CACNA1H: variants seen among roughly 807,000 people sequenced by gnomAD.
CACNA1H encodes the protein voltage-dependent T-type calcium channel subunit alpha-1H.
CACNA1H carries 149 observed loss-of-function variants against 192.5 expected under a neutral mutation model. The ratio of observed to expected loss-of-function variants is 0.77; its 90% CI spans 0.68 to 0.89. CACNA1H has a LOEUF of 0.89. CACNA1H is among the 40% of genes least tolerant of loss of function. CACNA1H has a pLI of 0.00. For synonymous variants in CACNA1H, 2,202 were observed against 1,475.2 expected, an observed-to-expected ratio of 1.49 and a Z score of -11.29; for missense variants, 4,257 against 3,423.5, an observed-to-expected ratio of 1.24 and a Z score of -6.08.
intron 2 of CACNA1H, among the ~76,000 whole-genome samples, chr16:1,154,318 G>C (rs1437211315): frequency 6.6e-6 from 1 of 152,192 alleles, no homozygotes; most frequent in African/African-American, 2.4e-5. Context: ...CGGGCTTGGA[G>C]GGGAGAGGAG....
At chr16:1,160,978 G>A (rs1963126376) in intron 2 of CACNA1H, among the ~76,000 whole-genome samples, 1 of 152,166 alleles carries the variant, frequency 6.6e-6, no homozygotes, top group East Asian at 1.9e-4. Context: ...CAAGTTGAGA[G>A]CAGGGCTGGC....
intron 2 of CACNA1H, among the ~76,000 whole-genome samples, chr16:1,178,160 C>T (rs1469459240): frequency 7.8e-6 from 1 of 127,796 alleles, no homozygotes; most frequent in Non-Finnish European, 1.7e-5. Context: ...GAAACCGCCC[C>T]CCCATGGACT....
chr16:1,221,687 G>A lies in CACNA1H; in HGVS notation c.*693G>A. 1 of 1,189,260 alleles carries A rather than the reference G, an allele frequency of 8.4e-7. No individual in the cohort carries two copies. Among genetic ancestry groups the A allele is most frequent in the Non-Finnish European group, 1.2e-6 (1 of 861,294 alleles). 73.7% of individuals were successfully genotyped at this position (1,189,260 alleles called of 1,614,324 possible). ...TGCTTTTAAATTCAGGTTAAATGTTGCAATAATCTGATGCAGAAGACTCAG... is the reference window on the plus strand; with the variant it reads ...TGCTTTTAAATTCAGGTTAAATGTTACAATAATCTGATGCAGAAGACTCAG... On this transcript the variant is annotated 3_prime_UTR_variant, in exon 35 of 35. Coordinates refer to ENST00000348261, the MANE Select transcript of CACNA1H (RefSeq NM_021098.3).
At chr16:1,178,468 G>A (rs753520284) in intron 2 of CACNA1H, among the ~76,000 whole-genome samples, 13 of 151,900 alleles carry the variant, frequency 8.6e-5, no homozygotes, top group South Asian at 4.2e-4. Flanking sequence ...GGGCCCTTTC[G>A]AAGGGGGTTA....
rs1441352476 is a variant in CACNA1H at position 1,153,164 on chromosome 16, G to A, written c.-325G>A. On this transcript the variant is annotated 5_prime_UTR_variant, in exon 1 of 35. Coordinates refer to ENST00000348261, the MANE Select transcript of CACNA1H (RefSeq NM_021098.3). ...CTCGAGGCTCGCTCGCTGCCTCACC[G>A]GTCCCCGGCCCGCGCCCCGCGCCCC... is the stretch of plus-strand genomic sequence containing the variant. 7.0e-6 allele frequency: 1 copy of A among 142,982 alleles called. No homozygotes were observed. The allele number at this position is 142,982 out of a possible 1,614,324, so 8.9% of individuals were successfully genotyped here.
intron 2 of CACNA1H, among the ~76,000 whole-genome samples, chr16:1,166,648 C>T (rs192812829): frequency 1.3e-5 from 2 of 152,070 alleles, no homozygotes; most frequent in African/African-American, 2.4e-5. Flanking sequence ...TTTCCGTCTC[C>T]GAGGTTGGCC....
At chr16:1,202,500 G>C in intron 9 of CACNA1H, 48 bp downstream of exon 9, 1 of 1,423,582 alleles carries the variant, frequency 7.0e-7, no homozygotes, top group Non-Finnish European at 9.2e-7. Flanking sequence ...GACCTAGGCA[G>C]GGCGGGCAGG....
intron 30 of CACNA1H, among the ~76,000 whole-genome samples, chr16:1,215,942 T>A (rs1969989090): frequency 6.6e-6 from 1 of 151,912 alleles, no homozygotes; most frequent in Non-Finnish European, 1.5e-5. Flanking sequence ...GATGCAGGCG[T>A]CGGCTGCGGG....
intron 27 of CACNA1H, 114 bp downstream of exon 27, chr16:1,214,045 C>A (rs527717444): frequency 2.2e-6 from 2 of 894,766 alleles, no homozygotes; most frequent in Non-Finnish European, 3.5e-6. Context: ...CTGGGGTTTG[C>A]GTGGGGATGT....
chr16:1,155,938 G>C (rs1331766719), intron 2 of CACNA1H, among the ~76,000 whole-genome samples: 1 of 152,086 alleles, frequency 6.6e-6, no homozygotes, highest in Non-Finnish European at 1.5e-5. Flanking sequence ...GACCTGACAG[G>C]AGTATGCTCT....
chr16:1,206,927 T>TCCCCCCCCCC, intron 12 of CACNA1H, 74 bp from the exon 13 acceptor site: 1 of 41,524 alleles, frequency 2.4e-5, no homozygotes, highest in Non-Finnish European at 4.4e-5. Flanking sequence ...CCCACCCCCC[T>TCCCCCCCCCC]CCCGCTCCCC....
intron 18 of CACNA1H, 44 bp from the exon 19 acceptor site, chr16:1,210,326 C>G: frequency 6.9e-7 from 1 of 1,458,788 alleles, no homozygotes; most frequent in South Asian, 1.2e-5. Context: ...ACTCTGCCAT[C>G]CACGCCGCCC....
At chr16:1,198,254 G>A (rs534310284) in intron 5 of CACNA1H, among the ~76,000 whole-genome samples, 5 of 149,018 alleles carry the variant, frequency 3.4e-5, no homozygotes, top group East Asian at 3.9e-4. Flanking sequence ...CAGACCTGCC[G>A]CAGCCAGTTC....
intron 2 of CACNA1H, chr16:1,160,180 G>C (rs190545174): frequency 6.6e-6 from 1 of 152,224 alleles, no homozygotes; most frequent in Admixed American, 6.5e-5. Flanking sequence ...CGCCTGTGCC[G>C]AGCCCGCTGT....
intron 17 of CACNA1H, among the ~76,000 whole-genome samples, chr16:1,209,775 G>A (rs1022139784): frequency 6.6e-6 from 1 of 152,266 alleles, no homozygotes; most frequent in South Asian, 2.1e-4. Flanking sequence ...CAGAGTCAGG[G>A]ACCCAAGAGC....
Position 1,220,513 on chromosome 16 carries a change from T to C in CACNA1H, c.6581T>C (p.Val2194Ala). 1 of 1,539,028 alleles carries C rather than the reference T, an allele frequency of 6.5e-7. No homozygotes were observed. The highest frequency in any genetic ancestry group is 8.7e-7 in the Non-Finnish European group (1 of 1,151,404). ...KKKMSPPCIS[V>A]EPPAEDEGSA... ...AAGATGAGCCCCCCCTGCATCTCGG[T>C]GGAACCCCCTGCGGAGGACGAGGGC... is the stretch of plus-strand genomic sequence containing the variant. The change falls in exon 35 of 35, where the codon GTG becomes GCG. Residue 2194 changes from valine to alanine, a missense_variant. Val to Ala is a moderately conservative substitution (Grantham distance 64). Transcript: ENST00000348261.
chr16:1,201,139 C>T (rs1967834091), intron 8 of CACNA1H, among the ~76,000 whole-genome samples: 1 of 152,138 alleles, frequency 6.6e-6, no homozygotes, highest in African/African-American at 2.4e-5. Flanking sequence ...TCATAGGCCC[C>T]AGTGGGTCCT....
In CACNA1H at chr16:1,215,080, A is replaced by G; in HGVS notation, c.5038A>G (p.Arg1680Gly). The change falls in exon 28 of 35, where the codon AGG becomes GGG. Residue 1680 changes from arginine to glycine, a missense_variant and splice_region_variant. Physicochemically the swap from Arg to Gly is moderately radical, Grantham distance 125 (BLOSUM62 -2). Transcript: ENST00000348261. ...AFGFRRFFKDRWNQLDLAIVL... is the reference protein window; with the variant it reads ...AFGFRRFFKDGWNQLDLAIVL... ...TGGGTTCCGTCGGTTCTTCAAGGAC[A>G]GGTGTGTGTGGTGGGGCCGTCTTGG... 1 of 1,610,566 alleles carries G rather than the reference A, an allele frequency of 6.2e-7. No individual in the cohort carries two copies. The highest frequency in any genetic ancestry group is 8.5e-7 in the Non-Finnish European group (1 of 1,178,244).
Position 1,195,909 on chromosome 16 carries a change from C to T in CACNA1H, c.546-17C>T, listed in dbSNP as rs1966906571. On this transcript the variant is annotated splice_polypyrimidine_tract_variant and intron_variant, in intron 4 of 34. Coordinates refer to ENST00000348261, the MANE Select transcript of CACNA1H (RefSeq NM_021098.3). The stretch of plus-strand genomic sequence containing the variant: ...TGGGCTCCTTGTTGAGCTGCTCCCC[C>T]TCGGCCCCGCCCCCAGCATGATGGA... 2 of 1,605,442 alleles carry T rather than the reference C, an allele frequency of 1.2e-6. No homozygotes were observed. The highest frequency in any genetic ancestry group is 2.2e-5 in the East Asian group (1 of 44,828).
Sources: allele counts gnomAD v4.1 joint callset (sites outside exome capture counted in the v4.1 genomes callset), GRCh38; gene constraint gnomAD v4.1.1; transcripts MANE v1.5; gene names NCBI Gene and HGNC (gene_info 2026-07-23, HGNC 2026-07-21).